The following TMEM260 variants were observed in gnomAD, a reference collection of about 807,000 sequenced individuals.
TMEM260 encodes the protein protein O-mannosyl-transferase TMEM260.
A neutral mutation model predicts 88.9 loss-of-function variants in TMEM260; 82 were observed. That is an observed-to-expected ratio of 0.92 (90% CI 0.77 to 1.11). The LOEUF (loss-of-function observed/expected upper bound fraction) is 1.11. Among genes scored for constraint, TMEM260 ranks in the 50% least tolerant of loss-of-function variants. The pLI is 0.00. For missense variants in TMEM260, 902 were observed against 853.4 expected, an observed-to-expected ratio of 1.06 and a Z score of -0.71; for synonymous variants, 314 against 309.3, an observed-to-expected ratio of 1.02 and a Z score of -0.16.
the TMEM260 span, among the ~76,000 whole-genome samples, chr14:56,659,229 G>C: frequency 6.6e-6 from 1 of 150,536 alleles, no homozygotes; most frequent in Admixed American, 6.6e-5. Context: ...AACTATTTAG[G>C]AATAAAAGAG....
chr14:56,630,888 A>C (rs971222337), intron 12 of TMEM260, among the ~76,000 whole-genome samples: 3 of 152,120 alleles, frequency 2.0e-5, no homozygotes, highest in Non-Finnish European at 4.4e-5. Context: ...CCTTCTGTGA[A>C]CTGTGGTTGC....
chr14:56,595,459 TA>T (rs1380004552), intron 3 of TMEM260, among the ~76,000 whole-genome samples: 6 of 152,060 alleles, frequency 3.9e-5, no homozygotes. Context: ...GCAATATGAG[TA>T]ACTGTGAACC....
At chr14:56,615,838 C>G (rs1887559274) in intron 7 of TMEM260, 106 bp from the exon 8 acceptor site, 1 of 744,306 alleles carries the variant, frequency 1.3e-6, no homozygotes, top group East Asian at 2.6e-5. Flanking sequence ...GACCCCAGCC[C>G]TTGTGATTGT....
intron 2 of TMEM260, among the ~76,000 whole-genome samples, 175 bp downstream of exon 2, chr14:56,585,207 A>C (rs1216214334): frequency 1.3e-5 from 2 of 152,188 alleles, no homozygotes; most frequent in Non-Finnish European, 2.9e-5. Context: ...ATTAAACTAA[A>C]TTATAAAGCA....
At chr14:56,604,695 A>C (rs1886787161) in intron 4 of TMEM260, among the ~76,000 whole-genome samples, 1 of 152,186 alleles carries the variant, frequency 6.6e-6, no homozygotes, top group Admixed American at 6.5e-5. Context: ...TATTCAATAC[A>C]CTTTTTAAAG....
intron 3 of TMEM260, among the ~76,000 whole-genome samples, chr14:56,602,788 C>T (rs1271894134): frequency 6.6e-6 from 1 of 151,984 alleles, no homozygotes; most frequent in East Asian, 1.9e-4. Context: ...AACAGGTTTA[C>T]TGATATTGAG....
downstream of TMEM260, among the ~76,000 whole-genome samples, chr14:56,651,991 ATT>A (rs1188566902): frequency 1.3e-5 from 2 of 152,208 alleles, no homozygotes; most frequent in Non-Finnish European, 2.9e-5. Flanking sequence ...GGTACTTGAT[ATT>A]TCTCTCAGCT....
chr14:56,594,214 T>C (rs553549124), intron 3 of TMEM260, among the ~76,000 whole-genome samples: 125 of 152,356 alleles, frequency 8.2e-4, no homozygotes, highest in Non-Finnish European at 1.0e-3. Context: ...TTTTCTCATA[T>C]CTAATTTATC....
intron 3 of TMEM260, among the ~76,000 whole-genome samples, chr14:56,603,526 G>GT (rs1158330324): frequency 6.6e-6 from 1 of 152,190 alleles, no homozygotes; most frequent in Non-Finnish European, 1.5e-5. Flanking sequence ...TGTAGCTACT[G>GT]TGTCTTCAGG....
chr14:56,616,908 T>C lies in TMEM260; in HGVS notation c.942-275T>C, dbSNP rs538015005. Among the ~76,000 whole-genome samples the C allele has an allele frequency of 8.5e-4, 129 of 152,270 alleles. 1 individual carries two copies. In the Middle Eastern group the frequency reaches 0.014, roughly 16 times the overall value. ...GAAAATGTTTCTATTTTGCCTGTAT[T>C]TGATCACTTCTGAAATTTAACAAAA... On this transcript the variant is annotated intron_variant, in intron 8 of 15. Transcript: ENST00000261556.
chr14:56,584,845 T>C (rs929769617), intron 1 of TMEM260, among the ~76,000 whole-genome samples, 156 bp from the exon 2 acceptor site: 1 of 152,164 alleles, frequency 6.6e-6, no homozygotes, highest in Non-Finnish European at 1.5e-5. Context: ...GGAGAAAATA[T>C]TCTTAGACTA....
Position 56,618,698 on chromosome 14 carries a change from G to A in TMEM260, c.1161G>A (p.Gly387=). The A allele has an allele frequency of 1.2e-6, 2 of 1,614,176 alleles. No individual in the cohort carries two copies. The highest frequency in any genetic ancestry group is 1.7e-6 in the Non-Finnish European group (2 of 1,180,036). Residue 387 remains glycine, a synonymous_variant, in exon 10 of 16, where the codon GGG becomes GGA. Coordinates refer to ENST00000261556, the MANE Select transcript of TMEM260 (RefSeq NM_017799.4). ...CTAACCGAGTGCTGAATAGCAATGG[G>A]CTTCAGTGTCTGGAATGGCTTTCTG... ...SETNRVLNSN[G]LQCLEWLSAT... is the part of the protein sequence containing the mutation.
intron 7 of TMEM260, chr14:56,613,625 C>T (rs1414834734): frequency 6.6e-6 from 1 of 151,752 alleles, no homozygotes; most frequent in Non-Finnish European, 1.5e-5. Context: ...TTGGAAATAC[C>T]TCCTTGCCAT....
At chr14:56,593,677 CTTTTTTTTT>C (rs34268894) in intron 3 of TMEM260, among the ~76,000 whole-genome samples, 5 of 63,506 alleles carry the variant, frequency 7.9e-5, no homozygotes, top group East Asian at 9.4e-4. Flanking sequence ...AGGTGAGTGT[CTTTTTTTTT>C]TTTTTTTTTT....
At chr14:56,603,312 A>G (rs1886690329) in intron 3 of TMEM260, among the ~76,000 whole-genome samples, 1 of 152,228 alleles carries the variant, frequency 6.6e-6, no homozygotes, top group Admixed American at 6.5e-5. Flanking sequence ...ATCATCAGAT[A>G]TTGTGATCAA....
intron 15 of TMEM260, among the ~76,000 whole-genome samples, chr14:56,644,055 C>G (rs2139655025): frequency 1.3e-5 from 2 of 152,258 alleles, no homozygotes; most frequent in Non-Finnish European, 2.9e-5. Context: ...TAGGAAGAAT[C>G]AATTGCGTGA....
chr14:56,605,511 A>G, intron 4 of TMEM260, 59 bp from the exon 5 acceptor site: 1 of 938,854 alleles, frequency 1.1e-6, no homozygotes, highest in Non-Finnish European at 1.6e-6. Flanking sequence ...GCTTTTTATT[A>G]TGTTCTTAGA....
intron 3 of TMEM260, among the ~76,000 whole-genome samples, chr14:56,591,055 A>C (rs928348833): frequency 6.6e-6 from 1 of 152,224 alleles, no homozygotes; most frequent in Non-Finnish European, 1.5e-5. Context: ...GTGCTGCATA[A>C]TTTCTAATAA....
chr14:56,644,597 G>A (rs1330473438), intron 15 of TMEM260, among the ~76,000 whole-genome samples: 1 of 152,084 alleles, frequency 6.6e-6, no homozygotes, highest in Non-Finnish European at 1.5e-5. Flanking sequence ...CATGGGCAAG[G>A]ACTTCATGTC....
Sources: gnomAD v4.1 joint callset for allele counts (sites outside exome capture counted in the v4.1 genomes callset) on GRCh38, gnomAD v4.1.1 for gene constraint, MANE v1.5 for transcripts, NCBI Gene and HGNC (gene_info 2026-07-23, HGNC 2026-07-21) for gene names.